PIK3CB: variants seen among roughly 807,000 people sequenced by gnomAD.
PIK3CB encodes the protein phosphatidylinositol 4,5-bisphosphate 3-kinase catalytic subunit beta isoform.
In PIK3CB, 39 loss-of-function variants were observed where a neutral mutation model predicts 136.8. That is an observed-to-expected ratio of 0.29 (90% CI 0.22 to 0.37). PIK3CB has a LOEUF of 0.37. PIK3CB is among the 10% of genes least tolerant of loss of function. The probability of loss-of-function intolerance (pLI) is 1.00; values close to 1 mark genes in which losing one functional copy is unlikely to be tolerated. For missense variants in PIK3CB, 868 were observed against 1,275.4 expected (o/e 0.68, Z 4.87); for synonymous variants, 428 against 436.6 (o/e 0.98, Z 0.25).
At chr3:138,681,418 A>C (rs2043779394) in intron 19 of PIK3CB, among the ~76,000 whole-genome samples, 1 of 152,070 alleles carries the variant, frequency 6.6e-6, no homozygotes, top group Non-Finnish European at 1.5e-5. Context: ...GGCTCTTTAA[A>C]TATTTACCCC....
intron 2 of PIK3CB, chr3:138,778,287 G>A (rs569273088): frequency 1.7e-4 from 65 of 372,580 alleles, no homozygotes; most frequent in South Asian, 1.3e-3. Context: ...ACCACTAACT[G>A]CTTAGCACCA....
intron 1 of PIK3CB, among the ~76,000 whole-genome samples, chr3:138,824,383 A>G (rs2108910966): frequency 6.6e-6 from 1 of 152,232 alleles, no homozygotes; most frequent in African/African-American, 2.4e-5. Flanking sequence ...GCAATACTAT[A>G]ATATAGGAGA....
At chr3:138,786,712 A>C (rs576863614) in intron 2 of PIK3CB, among the ~76,000 whole-genome samples, 6 of 152,180 alleles carry the variant, frequency 3.9e-5, no homozygotes, top group Non-Finnish European at 8.8e-5. Flanking sequence ...ACTATGCATA[A>C]AACTGGTAAT....
rs186187555 is a variant in PIK3CB at position 138,764,217 on chromosome 3, G to A, written c.-16-4858C>T. 8.9e-3 allele frequency among the ~76,000 whole-genome samples: 1,354 copies of A among 152,110 alleles called. 8 individuals carry two copies. The highest frequency in any genetic ancestry group is 0.012 in the Non-Finnish European group (839 of 67,992). ...TAATCCCAGCACTTTGGGAGGCCAA[G>A]GCAGGAGGACTGCTTGAGCCCAGGA... is the stretch of plus-strand genomic sequence containing the variant. On this transcript the variant is annotated intron_variant, in intron 2 of 23. Coordinates refer to ENST00000674063, the MANE Select transcript of PIK3CB (RefSeq NM_006219.3).
intron 2 of PIK3CB, among the ~76,000 whole-genome samples, chr3:138,780,526 C>T (rs2045912104): frequency 6.6e-6 from 1 of 152,142 alleles, no homozygotes; most frequent in African/African-American, 2.4e-5. Flanking sequence ...ACCTTGGCCT[C>T]CCAAAGTGCT....
At chr3:138,817,907 G>C (rs747447812) in intron 1 of PIK3CB, among the ~76,000 whole-genome samples, 45 of 152,102 alleles carry the variant, frequency 3.0e-4, no homozygotes, top group Non-Finnish European at 1.8e-4. Context: ...AGTGAGCTAT[G>C]ACTGCACCAC....
chr3:138,672,543 T>A (rs948511453), intron 19 of PIK3CB, among the ~76,000 whole-genome samples: 6 of 152,194 alleles, frequency 3.9e-5, no homozygotes, highest in Non-Finnish European at 8.8e-5. Flanking sequence ...ATTAACTATA[T>A]AAGGAAATGA....
intron 7 of PIK3CB, among the ~76,000 whole-genome samples, chr3:138,734,073 T>C (rs2045049311): frequency 6.6e-6 from 1 of 152,160 alleles, no homozygotes; most frequent in South Asian, 2.1e-4. Flanking sequence ...CAAGGAGTAG[T>C]TCAATATACA....
intron 10 of PIK3CB, 120 bp downstream of exon 10, chr3:138,712,085 AAAT>A (rs1168508207): frequency 4.1e-6 from 2 of 484,340 alleles, no homozygotes; most frequent in East Asian, 3.7e-5. Flanking sequence ...ATTTTAGAAT[AAAT>A]AATACAAAAT....
At chr3:138,814,360 C>G (rs145506806) in intron 1 of PIK3CB, among the ~76,000 whole-genome samples, 4,688 of 151,834 alleles carry the variant, frequency 0.031, 247 homozygotes, top group African/African-American at 0.11. Context: ...CGCCTATAAT[C>G]CCAGCTACTA....
At position 138,697,421 on chromosome 3, in the gene PIK3CB, G is replaced by GATTTATTTATTT. The variant is rs61693073; in HGVS notation, c.1770+1474_1770+1485dup. Among the ~76,000 whole-genome samples, 233 of 150,886 alleles carry GATTTATTTATTT rather than the reference G, an allele frequency of 1.5e-3. 1 individual carries two copies. Among genetic ancestry groups the GATTTATTTATTT allele is most frequent in the African/African-American group, 2.4e-3 (96 of 40,814 alleles). On this transcript the variant is annotated intron_variant, in intron 13 of 23. Coordinates refer to ENST00000674063, the MANE Select transcript of PIK3CB (RefSeq NM_006219.3). ...TATAATTATATAACATGTCTCCAAA[G>GATTTATTTATTT]ATTTATTTATTTATTTATTTATTTA...
At chr3:138,655,830 A>G (rs981504243) in intron 23 of PIK3CB, among the ~76,000 whole-genome samples, 5 of 152,214 alleles carry the variant, frequency 3.3e-5, no homozygotes, top group Non-Finnish European at 1.5e-5. Context: ...GGCAAGAAAA[A>G]GGCAGACTGT....
intron 1 of PIK3CB, among the ~76,000 whole-genome samples, chr3:138,811,656 C>G (rs1273596539): frequency 6.6e-6 from 1 of 152,092 alleles, no homozygotes; most frequent in South Asian, 2.1e-4. Flanking sequence ...GATCTCCTGA[C>G]CTCATGATCC....
At chr3:138,825,565 A>G in intron 1 of PIK3CB, 2 of 645,528 alleles carry the variant, frequency 3.1e-6, no homozygotes, top group Non-Finnish European at 5.6e-6. Flanking sequence ...AAGTGATAAC[A>G]TGCCTTGGTT....
intron 13 of PIK3CB, among the ~76,000 whole-genome samples, chr3:138,698,245 T>C (rs2044178302): frequency 3.3e-5 from 5 of 152,218 alleles, no homozygotes. Flanking sequence ...AAAATTTGGT[T>C]ATTTTAGTAG....
At chr3:138,677,668 G>A (rs548679602) in intron 19 of PIK3CB, among the ~76,000 whole-genome samples, 4 of 152,264 alleles carry the variant, frequency 2.6e-5, no homozygotes, top group South Asian at 2.1e-4. Context: ...AGGCCAAGGC[G>A]GGCGGATCAC....
chr3:138,677,418 T>C (rs1223883316), intron 19 of PIK3CB, among the ~76,000 whole-genome samples: 2 of 152,132 alleles, frequency 1.3e-5, no homozygotes, highest in African/African-American at 2.4e-5. Flanking sequence ...TGAGGGAGTA[T>C]GGTACAAAAA....
intron 1 of PIK3CB, among the ~76,000 whole-genome samples, chr3:138,804,750 A>C (rs537276896): frequency 1.3e-4 from 20 of 152,066 alleles, no homozygotes; most frequent in East Asian, 7.8e-4. Context: ...TATGGCCGGG[A>C]ACGGTGGCTC....
intron 1 of PIK3CB, among the ~76,000 whole-genome samples, chr3:138,805,339 A>AAAC (rs894261850): frequency 1.1e-4 from 16 of 144,180 alleles, no homozygotes; most frequent in East Asian, 1.1e-3. Flanking sequence ...TCTCAAAAAC[A>AAAC]AACAACAACA....
Sources: allele counts gnomAD v4.1 joint callset (sites outside exome capture counted in the v4.1 genomes callset), GRCh38; gene constraint gnomAD v4.1.1; transcripts MANE v1.5; gene names NCBI Gene and HGNC (gene_info 2026-07-23, HGNC 2026-07-21).